Variants in MAGI2 observed in about 807,000 individuals in gnomAD.
The protein encoded by MAGI2 is membrane associated guanylate kinase, WW and PDZ domain containing 2.
MAGI2 carries 35 observed loss-of-function variants against 133.3 expected under a neutral mutation model. The observed-to-expected ratio is 0.26, with a 90% CI of 0.20 to 0.35. The LOEUF (loss-of-function observed/expected upper bound fraction) is 0.35. Among genes scored for constraint, MAGI2 ranks in the 10% least tolerant of loss-of-function variants. MAGI2 has a pLI of 1.00. For missense variants in MAGI2, 1,636 were observed against 1,863.4 expected (o/e 0.88, Z 2.25); for synonymous variants, 729 against 710.6 (o/e 1.03, Z -0.41).
intron 1 of MAGI2, among the ~76,000 whole-genome samples, chr7:79,214,438 T>TAA (rs1563003624): frequency 8.0e-6 from 1 of 124,896 alleles, no homozygotes; most frequent in Non-Finnish European, 1.7e-5. Context: ...TATATATATA[T>TAA]ATATAAATAT....
At position 78,443,712 on chromosome 7, in the gene MAGI2, G is replaced by C. The variant is rs568785013; in HGVS notation, c.1045+46049C>G. On this transcript the variant is annotated intron_variant, in intron 6 of 21. Transcript: ENST00000354212. ...CCTCATGAAGACTTTTAAAACATCC[G>C]ATAATTTTCTTCCCATCTATGTCTT... 3.3e-5 allele frequency among the ~76,000 whole-genome samples: 5 copies of C among 152,072 alleles called. No individual in the cohort carries two copies. The East Asian group carries it at 9.7e-4, about 29-fold the overall frequency.
intron 1 of MAGI2, among the ~76,000 whole-genome samples, chr7:79,213,753 C>G (rs530160334): frequency 4.1e-4 from 63 of 152,204 alleles, no homozygotes; most frequent in Middle Eastern, 3.4e-3. Context: ...CTATCACACA[C>G]AACAGCGGCT....
intron 15 of MAGI2, among the ~76,000 whole-genome samples, chr7:78,161,582 C>T (rs1314610182): frequency 6.8e-6 from 1 of 147,084 alleles, no homozygotes; most frequent in Non-Finnish European, 1.5e-5. Context: ...GGCTCTTAAC[C>T]TTACAAGCTG....
chr7:78,852,131 G>A (rs117201912), intron 2 of MAGI2, among the ~76,000 whole-genome samples: 3,947 of 151,926 alleles, frequency 0.026, 75 homozygotes, highest in Middle Eastern at 0.044. Flanking sequence ...TTTATTATTC[G>A]GGGTTAATTT....
At chr7:78,888,846 C>A (rs1015966944) in intron 2 of MAGI2, among the ~76,000 whole-genome samples, 1 of 152,174 alleles carries the variant, frequency 6.6e-6, no homozygotes, top group African/African-American at 2.4e-5. Flanking sequence ...AGGAACGCAG[C>A]TACTCACTAG....
At chr7:78,038,904 G>T (rs1002128786) in intron 21 of MAGI2, among the ~76,000 whole-genome samples, 1 of 152,252 alleles carries the variant, frequency 6.6e-6, no homozygotes, top group African/African-American at 2.4e-5. Flanking sequence ...TACCGGCATA[G>T]CCAGGACAGG....
At chr7:79,403,176 A>T (rs1845586239) in intron 1 of MAGI2, among the ~76,000 whole-genome samples, 1 of 152,214 alleles carries the variant, frequency 6.6e-6, no homozygotes, top group Non-Finnish European at 1.5e-5. Context: ...AATCTTAAAT[A>T]GTGTTAATGC....
chr7:78,602,605 T>C (rs74638365), intron 3 of MAGI2, among the ~76,000 whole-genome samples: 47,255 of 151,890 alleles, frequency 0.31, 8,257 homozygotes, highest in Middle Eastern at 0.46. Flanking sequence ...TAAAAAAAGC[T>C]GAAAAGCATT....
intron 2 of MAGI2, among the ~76,000 whole-genome samples, chr7:78,913,196 T>C (rs1798545779): frequency 1.3e-5 from 2 of 152,128 alleles, no homozygotes; most frequent in South Asian, 4.1e-4. Context: ...AAATCTCATG[T>C]TGAATTATAA....
chr7:79,187,609 A>G (rs1018801287), intron 1 of MAGI2, among the ~76,000 whole-genome samples: 1 of 151,872 alleles, frequency 6.6e-6, no homozygotes, highest in South Asian at 2.1e-4. Flanking sequence ...ATCATTCCAG[A>G]GGTCAAAGTA....
In MAGI2 at chr7:78,019,561, G is replaced by A. The variant is rs1808098406; in HGVS notation, c.4122C>T (p.Gly1374=). The change falls in exon 22 of 22, where the codon GGC becomes GGT. Residue 1374 remains glycine, a synonymous_variant. Transcript: ENST00000354212. ...GGKEAPRAAA[G]SELCRREGPG... is the part of the protein sequence containing the mutation. ...GGCCTTCGCGCCGGCAGAGCTCGGAGCCCGCCGCCGCACGGGGCGCCTCCT... is the reference window on the plus strand; with the variant it reads ...GGCCTTCGCGCCGGCAGAGCTCGGAACCCGCCGCCGCACGGGGCGCCTCCT... 2.0e-6 allele frequency: 2 copies of A among 980,312 alleles called. No homozygotes were observed. Among genetic ancestry groups the A allele is most frequent in the Admixed American group, 6.4e-5 (1 of 15,740 alleles). 60.7% of individuals were successfully genotyped at this position (980,312 alleles called of 1,614,324 possible).
intron 1 of MAGI2, among the ~76,000 whole-genome samples, chr7:79,274,006 G>A (rs1232676637): frequency 6.6e-6 from 1 of 151,984 alleles, no homozygotes; most frequent in Non-Finnish European, 1.5e-5. Context: ...TAATCCTGGG[G>A]TGCCATGGTT....
chr7:78,332,216 G>GAAT (rs1208029022), intron 9 of MAGI2, among the ~76,000 whole-genome samples: 2 of 152,172 alleles, frequency 1.3e-5, no homozygotes, highest in East Asian at 3.9e-4. Flanking sequence ...ACAGAAATGA[G>GAAT]AATAAAGAGG....
At position 78,228,685 on chromosome 7, in the gene MAGI2, T is replaced by C. The variant is rs115468863; in HGVS notation, c.2047+27258A>G. On this transcript the variant is annotated intron_variant, in intron 10 of 21. Transcript: ENST00000354212. ...TGAGAATATCAGTAGATGTGGCAAATCTTTATTTAACTAAAAGTCAGTAAA... is the reference window on the plus strand; with the variant it reads ...TGAGAATATCAGTAGATGTGGCAAACCTTTATTTAACTAAAAGTCAGTAAA... 3.5e-3 allele frequency among the ~76,000 whole-genome samples: 527 copies of C among 152,312 alleles called. 2 individuals are homozygous for C. Among genetic ancestry groups the C allele is most frequent in the African/African-American group, 0.012 (501 of 41,566 alleles).
At chr7:79,389,169 C>T (rs1344473247) in intron 1 of MAGI2, among the ~76,000 whole-genome samples, 1 of 151,968 alleles carries the variant, frequency 6.6e-6, no homozygotes, top group Admixed American at 6.6e-5. Context: ...CTTCTATCCA[C>T]ATATCCTTAA....
chr7:78,925,524 G>A (rs1364096180), intron 2 of MAGI2, among the ~76,000 whole-genome samples: 1 of 152,004 alleles, frequency 6.6e-6, no homozygotes, highest in Non-Finnish European at 1.5e-5. Flanking sequence ...TGTGGCCTAG[G>A]GGACTCCTGT....
At chr7:79,426,433 T>C (rs1418850066) in intron 1 of MAGI2, among the ~76,000 whole-genome samples, 1 of 152,164 alleles carries the variant, frequency 6.6e-6, no homozygotes, top group African/African-American at 2.4e-5. Flanking sequence ...TATTACACTA[T>C]GCCAATCTAA....
At chr7:78,225,356 AT>A (rs35976775) in intron 10 of MAGI2, among the ~76,000 whole-genome samples, 22,920 of 148,768 alleles carry the variant, frequency 0.15, 2,171 homozygotes, top group East Asian at 0.32. Flanking sequence ...TTTATAGATA[AT>A]TTTTTTTTTT....
At chr7:78,994,570 T>G (rs1190364755) in intron 2 of MAGI2, among the ~76,000 whole-genome samples, 1 of 152,244 alleles carries the variant, frequency 6.6e-6, no homozygotes, top group South Asian at 2.1e-4. Context: ...CTCAAAGAAC[T>G]GTCAGAGAAA....
Sources: gnomAD v4.1 joint callset for allele counts (sites outside exome capture counted in the v4.1 genomes callset) on GRCh38, gnomAD v4.1.1 for gene constraint, MANE v1.5 for transcripts, NCBI Gene and HGNC (gene_info 2026-07-23, HGNC 2026-07-21) for gene names.